The following ZFYVE19 variants were observed in gnomAD, a reference collection of about 807,000 sequenced individuals.
ZFYVE19 encodes the protein abscission/NoCut checkpoint regulator.
Under a neutral mutation model 62.8 loss-of-function variants are expected in ZFYVE19, and 49 were observed. The ratio of observed to expected loss-of-function variants is 0.78; its 90% CI spans 0.62 to 0.99. The LOEUF is 0.99. ZFYVE19 is among the 50% of genes least tolerant of loss of function. The pLI is 0.00. For missense variants in ZFYVE19, 630 were observed against 601.9 expected, an observed-to-expected ratio of 1.05 and a Z score of -0.49; for synonymous variants, 242 against 234.3, an observed-to-expected ratio of 1.03 and a Z score of -0.30.
At position 40,807,248 on chromosome 15, in the gene ZFYVE19, C is replaced by T; in HGVS notation, c.-342C>T. On this transcript the variant is annotated 5_prime_UTR_variant, in exon 1 of 11. Coordinates refer to ENST00000355341, the MANE Select transcript of ZFYVE19 (RefSeq NM_001077268.2). ...CGCCTGCGGAGGGCATAGCGCCGAC[C>T]CTCGCTCCCCGCCCAGGACCCGAAT... 6.3e-7 allele frequency: 1 copy of T among 1,581,184 alleles called. No individual in the cohort carries two copies. The highest frequency in any genetic ancestry group is 8.6e-7 in the Non-Finnish European group (1 of 1,164,294).
intron 6 of ZFYVE19, chr15:40,811,216 G>A (rs775091480): frequency 5.9e-5 from 13 of 222,164 alleles, no homozygotes; most frequent in Non-Finnish European, 1.2e-4. Flanking sequence ...ACATCTCAAT[G>A]CTCAGTAGCC....
rs116556674 is a variant in ZFYVE19, at chr15:40,809,709, A to G, written c.453-143A>G. 2.0e-3 allele frequency: 1,948 copies of G among 985,296 alleles called. 33 individuals are homozygous for G. In the African/African-American group the frequency reaches 0.027, roughly 14 times the overall value. 61.0% of individuals were successfully genotyped at this position (985,296 alleles called of 1,614,324 possible). On this transcript the variant is annotated intron_variant, in intron 3 of 10. Transcript: ENST00000355341. ...CAGCCAGGTTGGGCTGCAGGGTGAC[A>G]TGAGTGAGGGGCACAGCAGATTGCC... is the stretch of plus-strand genomic sequence containing the variant.
Position 40,813,786 on chromosome 15 carries a change from C to A in ZFYVE19, c.1184C>A (p.Thr395Lys). 6.2e-7 allele frequency: 1 copy of A among 1,614,044 alleles called. No homozygotes were observed. The highest frequency in any genetic ancestry group is 1.1e-5 in the South Asian group (1 of 91,056). ...GCAGAGCAGGCTTCTCGACCCTGGA[C>A]GCAACCCCGCGGGGCAGAGCCTGAG... ...IPAEQASRPW[T>K]QPRGAEPEAQ... The change falls in exon 9 of 11, where the codon ACG becomes AAG. Residue 395 changes from threonine to lysine, a missense_variant. Physicochemically the swap from Thr to Lys is moderately conservative, Grantham distance 78. Transcript: ENST00000355341.
Position 40,807,622 on chromosome 15 carries a change from G to C in ZFYVE19, c.33G>C (p.Pro11=). The C allele has an allele frequency of 6.2e-7, 1 of 1,612,986 alleles. No individual in the cohort carries two copies. Among genetic ancestry groups the C allele is most frequent in the Non-Finnish European group, 8.5e-7 (1 of 1,179,626 alleles). Reference sequence around the variant, plus strand: ...ACGACTCCCAGCAGCCCCCGTTGCCGCCGCTGCCGTACGCTGGCTGCAGGA... The same window carrying C: ...ACGACTCCCAGCAGCCCCCGTTGCCCCCGCTGCCGTACGCTGGCTGCAGGA... MNYDSQQPPL[P]PLPYAGCRRA... The change falls in exon 1 of 11, where the codon CCG becomes CCC. Residue 11 remains proline, a synonymous_variant. Coordinates refer to ENST00000355341, the MANE Select transcript of ZFYVE19 (RefSeq NM_001077268.2).
intron 1 of ZFYVE19, 112 bp downstream of exon 1, chr15:40,807,980 G>A (rs1408916208): frequency 2.2e-6 from 3 of 1,340,480 alleles, no homozygotes; most frequent in Non-Finnish European, 3.1e-6. Flanking sequence ...GTGTGGTTTT[G>A]ATGAAGTCAT....
At chr15:40,810,050 C>T (rs577887603) in intron 4 of ZFYVE19, 21 bp from the exon 5 acceptor site, 3 of 1,614,166 alleles carry the variant, frequency 1.9e-6, no homozygotes, top group Non-Finnish European at 2.5e-6. Context: ...CCTTACAAGG[C>T]TCCCCCCATG....
intron 6 of ZFYVE19, chr15:40,811,000 A>T: frequency 2.2e-6 from 1 of 461,814 alleles, no homozygotes. Flanking sequence ...GATGCTGGAC[A>T]AGTTACTTGA....
chr15:40,811,337 G>A (rs10152629), intron 6 of ZFYVE19, among the ~76,000 whole-genome samples: 7,872 of 152,240 alleles, frequency 0.052, 435 homozygotes, highest in African/African-American at 0.14. Flanking sequence ...AGGCTTCAGA[G>A]CAGTGGTTTT....
chr15:40,810,530 A>G (rs959681329), intron 5 of ZFYVE19, 119 bp from the exon 6 acceptor site: 8 of 1,475,132 alleles, frequency 5.4e-6, no homozygotes, highest in Admixed American at 2.4e-5. Context: ...CTACTTGATT[A>G]TGTGGGCCCT....
chr15:40,811,785 G>C (rs1241721257), intron 6 of ZFYVE19, among the ~76,000 whole-genome samples: 1 of 152,202 alleles, frequency 6.6e-6, no homozygotes, highest in African/African-American at 2.4e-5. Context: ...TGAGGAACTT[G>C]ACCAAGGTCA....
rs370971481 is a variant in ZFYVE19, at chr15:40,814,039, G to A, written c.1306G>A (p.Asp436Asn). The A allele has an allele frequency of 1.1e-5, 17 of 1,613,950 alleles. No homozygotes were observed. Among genetic ancestry groups the A allele is most frequent in the Middle Eastern group, 1.6e-4 (1 of 6,082 alleles). Residue 436 changes from aspartate to asparagine, a missense_variant, in exon 10 of 11, where the codon GAT becomes AAT. Physicochemically the swap from Asp to Asn is conservative, Grantham distance 23 (BLOSUM62 1). Coordinates refer to ENST00000355341, the MANE Select transcript of ZFYVE19 (RefSeq NM_001077268.2). The part of the protein sequence containing the change: ...EDATLRCAGC[D>N]GDLFCARCFR... ...TGCCACCCTACGCTGCGCTGGCTGC[G>A]ATGGGGACCTCTTCTGTGCCCGCTG...
At chr15:40,810,536 GCCCTGGATCCCTCTCCTTT>G in intron 5 of ZFYVE19, 94 bp from the exon 6 acceptor site, 1 of 1,482,354 alleles carries the variant, frequency 6.7e-7, no homozygotes, top group Non-Finnish European at 9.0e-7. Flanking sequence ...GATTATGTGG[GCCCTGGATCCCTCTCCTTT>G]CCCTGGGCTT....
chr15:40,810,642 TGTGCAGGCACA>T lies in ZFYVE19; in HGVS notation c.718-6_722del. On this transcript the variant is annotated splice_acceptor_variant and splice_polypyrimidine_tract_variant and coding_sequence_variant and intron_variant, in exon 6 of 11. Transcript: ENST00000355341. LOFTEE classifies it high-confidence loss of function. ...TGCTCTCCACTGAGGTTTCCTCGTC[TGTGCAGGCACA>T]TCACACACCGGACACCAGGACCCAA... 1 of 1,560,184 alleles carries T rather than the reference TGTGCAGGCACA, an allele frequency of 6.4e-7. No homozygotes were observed. Among genetic ancestry groups the T allele is most frequent in the Non-Finnish European group, 8.7e-7 (1 of 1,151,716 alleles).
rs1199835799 is a variant in ZFYVE19, at chr15:40,814,784, CA to C, written c.*559del. 1 of 160,684 alleles carries C rather than the reference CA, an allele frequency of 6.2e-6. No individual in the cohort carries two copies. The highest frequency in any genetic ancestry group is 2.4e-5 in the African/African-American group (1 of 41,512). The allele number at this position is 160,684 out of a possible 1,614,324, so 10.0% of individuals were successfully genotyped here. On this transcript the variant is annotated 3_prime_UTR_variant, in exon 11 of 11. Transcript: ENST00000355341. ...ACTGTGCTCCAGCTCTGGGCAGCCC[CA>C]CTTAGCCACCAGTCCCCACCATCTT...
chr15:40,811,404 G>A (rs1890482912), intron 6 of ZFYVE19, among the ~76,000 whole-genome samples: 1 of 152,164 alleles, frequency 6.6e-6, no homozygotes, highest in African/African-American at 2.4e-5. Context: ...AGACTTTTTG[G>A]TTGTCACAAC....
chr15:40,809,485 G>C, intron 3 of ZFYVE19, 27 bp downstream of exon 3: 1 of 1,612,990 alleles, frequency 6.2e-7, no homozygotes, highest in African/African-American at 1.3e-5. Context: ...AAAAGACAAA[G>C]AGCATTGGGG....
At chr15:40,813,268 G>A (rs1429425718) in intron 7 of ZFYVE19, 70 bp from the exon 8 acceptor site, 20 of 1,473,584 alleles carry the variant, frequency 1.4e-5, no homozygotes, top group Non-Finnish European at 1.8e-5. Context: ...GGAGGCAGGA[G>A]GGCAGCCACT....
In ZFYVE19 at chr15:40,809,473, G is replaced by T; in HGVS notation, c.452+15G>T. 5.0e-6 allele frequency: 8 copies of T among 1,613,920 alleles called. No homozygotes were observed. Among genetic ancestry groups the T allele is most frequent in the Non-Finnish European group, 6.8e-6 (8 of 1,179,862 alleles). ...AACTATAAGAAGTAAGTGCTGAAGA[G>T]AAAAAGACAAAGAGCATTGGGGAAA... On this transcript the variant is annotated intron_variant, in intron 3 of 10. Transcript: ENST00000355341.
At chr15:40,812,629 A>G in intron 6 of ZFYVE19, 70 bp from the exon 7 acceptor site, 3 of 1,160,616 alleles carry the variant, frequency 2.6e-6, no homozygotes, top group Non-Finnish European at 3.8e-6. Flanking sequence ...AGGTTGAGAA[A>G]TGGGCTCATT....
Sources: allele counts gnomAD v4.1 joint callset (sites outside exome capture counted in the v4.1 genomes callset), GRCh38; gene constraint gnomAD v4.1.1; transcripts MANE v1.5; gene names NCBI Gene and HGNC (gene_info 2026-07-23, HGNC 2026-07-21).